The following LDLRAD3 variants were observed in gnomAD, a reference collection of about 807,000 sequenced individuals.
The protein encoded by LDLRAD3 is low density lipoprotein receptor class A domain containing 3, also known as low-density lipoprotein receptor class A domain-containing protein 3.
LDLRAD3 carries 20 observed loss-of-function variants against 29.4 expected under a neutral mutation model. The observed-to-expected ratio is 0.68, with a 90% confidence interval of 0.48 to 0.99. The LOEUF (loss-of-function observed/expected upper bound fraction) is 0.99, where lower values mean the gene tolerates loss of function less well. LDLRAD3 is among the 50% of genes least tolerant of loss of function. LDLRAD3 has a pLI of 0.00. For missense variants in LDLRAD3, 420 were observed against 454.3 expected (o/e 0.92, Z 0.69); for synonymous variants, 157 against 192.7 (o/e 0.81, Z 1.53).
intron 1 of LDLRAD3, among the ~76,000 whole-genome samples, chr11:36,011,156 G>A (rs1851950913): frequency 6.6e-6 from 1 of 152,114 alleles, no homozygotes; most frequent in Non-Finnish European, 1.5e-5. Context: ...TGGCATTTAT[G>A]ACTTCCAACT....
chr11:35,987,860 C>A (rs908869899), intron 1 of LDLRAD3, among the ~76,000 whole-genome samples: 1 of 152,164 alleles, frequency 6.6e-6, no homozygotes, highest in African/African-American at 2.4e-5. Context: ...TTCACAGTGG[C>A]TGAACTAGTT....
At chr11:35,992,721 T>A (rs1851705767) in intron 1 of LDLRAD3, among the ~76,000 whole-genome samples, 2 of 152,216 alleles carry the variant, frequency 1.3e-5, no homozygotes, top group South Asian at 4.1e-4. Flanking sequence ...AGGGCATGGC[T>A]GCTAATGGGC....
In LDLRAD3 at chr11:36,075,447, T is replaced by G. The variant is rs188748191; in HGVS notation, c.194-6206T>G. On this transcript the variant is annotated intron_variant, in intron 2 of 5. Transcript: ENST00000315571. ...CTGTAGTGTTGGTGTATCTCATTAC[T>G]GATGATGTTGACCATGGTCCCTTGG... is the stretch of plus-strand genomic sequence containing the variant. Among the ~76,000 whole-genome samples the G allele has an allele frequency of 3.9e-5, 6 of 152,322 alleles. 1 individual carries two copies. Among genetic ancestry groups the G allele is most frequent in the Admixed American group, 3.3e-4 (5 of 15,300 alleles).
At chr11:36,009,725 G>A (rs1039138816) in intron 1 of LDLRAD3, among the ~76,000 whole-genome samples, 2 of 152,160 alleles carry the variant, frequency 1.3e-5, no homozygotes, top group Non-Finnish European at 2.9e-5. Context: ...AAAATTCTAT[G>A]AGTCACTTCA....
intron 2 of LDLRAD3, among the ~76,000 whole-genome samples, chr11:36,051,185 A>G (rs950976947): frequency 2.0e-5 from 3 of 152,232 alleles, no homozygotes; most frequent in Admixed American, 2.0e-4. Context: ...AGGATGCTGC[A>G]TATTTAGGCC....
intron 1 of LDLRAD3, among the ~76,000 whole-genome samples, chr11:35,996,846 C>T (rs1851761556): frequency 6.6e-6 from 1 of 152,168 alleles, no homozygotes; most frequent in Non-Finnish European, 1.5e-5. Context: ...GTTGTCTCAT[C>T]CAAATTCTTC....
At chr11:36,115,663 C>T (rs1266324019) in intron 4 of LDLRAD3, among the ~76,000 whole-genome samples, 1 of 152,138 alleles carries the variant, frequency 6.6e-6, no homozygotes, top group Non-Finnish European at 1.5e-5. Context: ...AAAGGACGCC[C>T]CAGTCCCTCC....
intron 4 of LDLRAD3, among the ~76,000 whole-genome samples, chr11:36,212,952 CT>C (rs1250243572): frequency 6.6e-6 from 1 of 152,172 alleles, no homozygotes; most frequent in African/African-American, 2.4e-5. Context: ...CCTCTGCAGT[CT>C]TTTGGAATAA....
chr11:36,196,012 A>G (rs1273936325), intron 4 of LDLRAD3, among the ~76,000 whole-genome samples: 3 of 147,512 alleles, frequency 2.0e-5, no homozygotes, highest in African/African-American at 5.0e-5. Flanking sequence ...TTTTGCCAAA[A>G]TGCCTACCCC....
chr11:36,213,690 C>T lies in LDLRAD3; in HGVS notation c.455-13395C>T, dbSNP rs1347032097. 2.6e-5 allele frequency among the ~76,000 whole-genome samples: 4 copies of T among 152,326 alleles called. No homozygotes were observed. Among genetic ancestry groups the T allele is most frequent in the Non-Finnish European group, 1.5e-5 (1 of 68,022 alleles). Reference sequence around the variant, plus strand: ...TGCCATTGGGGTCAGGCCTGCTCCCCGCACCTGAGCACAGGGCCCAGCCAG... The same window carrying T: ...TGCCATTGGGGTCAGGCCTGCTCCCTGCACCTGAGCACAGGGCCCAGCCAG... On this transcript the variant is annotated intron_variant, in intron 4 of 5. Coordinates refer to ENST00000315571, the MANE Select transcript of LDLRAD3 (RefSeq NM_174902.4). This position sits in a 1 kb window ranked among gnomAD's most constrained non-coding sequence, Gnocchi z 4.1.
intron 1 of LDLRAD3, among the ~76,000 whole-genome samples, chr11:35,988,098 CCCAGGCT>C (rs1368409413): frequency 6.6e-6 from 1 of 152,198 alleles, no homozygotes; most frequent in Non-Finnish European, 1.5e-5. Context: ...CACTCTGTCA[CCCAGGCT>C]GGAGTGCAGT....
intron 4 of LDLRAD3, among the ~76,000 whole-genome samples, chr11:36,205,492 A>G (rs1855194219): frequency 1.3e-5 from 2 of 152,324 alleles, no homozygotes; most frequent in Non-Finnish European, 2.9e-5. Context: ...AGATGACAGT[A>G]TCTTTAGCTG....
chr11:36,170,233 T>G (rs1309814743), intron 4 of LDLRAD3, among the ~76,000 whole-genome samples: 1 of 150,190 alleles, frequency 6.7e-6, no homozygotes, highest in African/African-American at 2.5e-5. Flanking sequence ...TATTCCATGG[T>G]GTGTATGTGT....
intron 1 of LDLRAD3, among the ~76,000 whole-genome samples, chr11:35,986,935 G>A (rs1590706989): frequency 6.6e-6 from 1 of 152,230 alleles, no homozygotes; most frequent in South Asian, 2.1e-4. Context: ...GCTCTTCAAA[G>A]TCAAGGGCTG....
At chr11:36,138,125 C>T (rs1262367575) in intron 4 of LDLRAD3, among the ~76,000 whole-genome samples, 1 of 152,230 alleles carries the variant, frequency 6.6e-6, no homozygotes, top group East Asian at 1.9e-4. Context: ...AGGCTGTCCT[C>T]TGCAAGGGAA....
At chr11:36,014,160 C>T (rs1036127969) in intron 1 of LDLRAD3, among the ~76,000 whole-genome samples, 3 of 152,054 alleles carry the variant, frequency 2.0e-5, no homozygotes, top group African/African-American at 7.2e-5. Flanking sequence ...CAGACCTTTG[C>T]GTGTTTACAC....
At chr11:36,185,612 C>G (rs1043504369) in intron 4 of LDLRAD3, among the ~76,000 whole-genome samples, 1 of 152,184 alleles carries the variant, frequency 6.6e-6, no homozygotes, top group East Asian at 1.9e-4. Flanking sequence ...CCTGGGCTCC[C>G]TCACTGTCGA....
At chr11:36,087,015 C>G (rs1163744900) in intron 3 of LDLRAD3, among the ~76,000 whole-genome samples, 1 of 152,144 alleles carries the variant, frequency 6.6e-6, no homozygotes, top group Non-Finnish European at 1.5e-5. Context: ...CTAAATCTAA[C>G]CATTAGTTTA....
At position 36,230,855 on chromosome 11, in the gene LDLRAD3, T is replaced by C. The variant is rs1359835577; in HGVS notation, c.*1458T>C. 1 of 152,616 alleles carries C rather than the reference T, an allele frequency of 6.6e-6. No homozygotes were observed. Among genetic ancestry groups the C allele is most frequent in the Admixed American group, 6.5e-5 (1 of 15,280 alleles). 9.5% of individuals were successfully genotyped at this position (152,616 alleles called of 1,614,324 possible). ...ACCTGTGTGCCAGACATTTGTGCAT[T>C]GTTGCACTTTGAGGTTATTATTTAT... On this transcript the variant is annotated 3_prime_UTR_variant, in exon 6 of 6. Coordinates refer to ENST00000315571, the MANE Select transcript of LDLRAD3 (RefSeq NM_174902.4).
Sources: allele counts gnomAD v4.1 joint callset (sites outside exome capture counted in the v4.1 genomes callset), GRCh38; gene constraint gnomAD v4.1.1; non-coding constraint Gnocchi (gnomAD v3.1); transcripts MANE v1.5; gene names NCBI Gene and HGNC (gene_info 2026-07-23, HGNC 2026-07-21).